LARP4: variants seen among roughly 807,000 people sequenced by gnomAD.
The protein encoded by LARP4 is La ribonucleoprotein 4.
A neutral mutation model predicts 92.9 loss-of-function variants in LARP4; 29 were observed. That is an observed-to-expected ratio of 0.31 (90% CI 0.23 to 0.43). The LOEUF (loss-of-function observed/expected upper bound fraction) is 0.43. Ranked by LOEUF, LARP4 falls within the 20% of genes least tolerant of loss-of-function variation. LARP4 has a pLI of 1.00. For synonymous variants in LARP4, 279 were observed against 284.1 expected, an observed-to-expected ratio of 0.98 and a Z score of 0.18; for missense variants, 732 against 860.0, an observed-to-expected ratio of 0.85 and a Z score of 1.86.
intron 10 of LARP4, among the ~76,000 whole-genome samples, chr12:50,460,807 G>T (rs1444547184): frequency 4.6e-5 from 7 of 152,130 alleles, no homozygotes; most frequent in African/African-American, 1.7e-4. Flanking sequence ...GCTGGACGTG[G>T]TGGCTGGCGC....
At chr12:50,406,413 C>A (rs756313976) in intron 1 of LARP4, among the ~76,000 whole-genome samples, 1 of 151,244 alleles carries the variant, frequency 6.6e-6, no homozygotes, top group Non-Finnish European at 1.5e-5. Flanking sequence ...GCCAGGAGAT[C>A]GAGGCTGCAG....
intron 1 of LARP4, among the ~76,000 whole-genome samples, chr12:50,410,987 G>C (rs1945780751): frequency 6.6e-6 from 1 of 152,132 alleles, no homozygotes. Flanking sequence ...TTCTTCCACA[G>C]TAGAGGGCAA....
Position 50,477,664 on chromosome 12 carries a change from G to C in LARP4, c.*1800G>C, listed in dbSNP as rs1229322465. On this transcript the variant is annotated 3_prime_UTR_variant, in exon 16 of 16. Transcript: ENST00000398473. ...ATTTCTTTGACTTATTATTAGCTTGGCAGTTGCTTTTGATTTGATTGTTTT... is the reference window on the plus strand; with the variant it reads ...ATTTCTTTGACTTATTATTAGCTTGCCAGTTGCTTTTGATTTGATTGTTTT... 1 of 152,402 alleles carries C rather than the reference G, an allele frequency of 6.6e-6. No homozygotes were observed. Among genetic ancestry groups the C allele is most frequent in the Non-Finnish European group, 1.5e-5 (1 of 67,926 alleles). The allele number at this position is 152,402 out of a possible 1,614,324, so 9.4% of individuals were successfully genotyped here.
At chr12:50,435,409 TA>T in intron 4 of LARP4, 78 bp from the exon 5 acceptor site, 1 of 831,858 alleles carries the variant, frequency 1.2e-6, no homozygotes, top group Non-Finnish European at 2.0e-6. Context: ...ATTTAAAAAG[TA>T]GGAAAAGTGA....
chr12:50,425,813 A>G (rs553878447), intron 1 of LARP4, among the ~76,000 whole-genome samples: 2 of 152,048 alleles, frequency 1.3e-5, no homozygotes, highest in East Asian at 3.9e-4. Flanking sequence ...AATGGGATTA[A>G]CATAAAGGAG....
Position 50,474,079 on chromosome 12 carries a change from C to G in LARP4, c.1748C>G (p.Ser583Cys). The G allele has an allele frequency of 6.2e-7, 1 of 1,612,420 alleles. No individual in the cohort carries two copies. The highest frequency in any genetic ancestry group is 8.5e-7 in the Non-Finnish European group (1 of 1,179,390). ...CTCAATCAGACAACTATACCAGTTT[C>G]TCCTCCAAGTACTACAAAGCCATCG... ...DGLNQTTIPV[S>C]PPSTTKPSRA... Residue 583 changes from serine to cysteine, a missense_variant, in exon 15 of 16, where the codon TCT becomes TGT. Coordinates refer to ENST00000398473, the MANE Select transcript of LARP4 (RefSeq NM_052879.5).
chr12:50,453,705 T>C (rs1354398935), intron 9 of LARP4, 33 bp downstream of exon 9: 6 of 1,342,496 alleles, frequency 4.5e-6, no homozygotes, highest in African/African-American at 4.4e-5. Flanking sequence ...AATATAATAA[T>C]ATTTTTAATT....
At chr12:50,455,119 A>G (rs1208588852) in intron 10 of LARP4, among the ~76,000 whole-genome samples, 2 of 152,254 alleles carry the variant, frequency 1.3e-5, no homozygotes, top group Non-Finnish European at 2.9e-5. Context: ...ATTAAGAATC[A>G]TAGAAACTAT....
intron 8 of LARP4, among the ~76,000 whole-genome samples, chr12:50,446,429 AT>A (rs71083573): frequency 0.3 from 1,157 of 3,920 alleles, 470 homozygotes; most frequent in East Asian, 0.77. Context: ...ATATATATAT[AT>A]TTTTTTTTTT....
chr12:50,401,975 C>T (rs964901651), intron 1 of LARP4, among the ~76,000 whole-genome samples: 2 of 152,118 alleles, frequency 1.3e-5, no homozygotes, highest in Non-Finnish European at 2.9e-5. Context: ...TCATATTGTT[C>T]TTACATTGTG....
At chr12:50,402,736 C>T (rs1408228144) in intron 1 of LARP4, 1 of 453,018 alleles carries the variant, frequency 2.2e-6, no homozygotes, top group East Asian at 7.0e-5. Context: ...AGTAGTTTAA[C>T]TGGGATTTAG....
At chr12:50,429,362 C>T (rs541037055) in intron 3 of LARP4, among the ~76,000 whole-genome samples, 2 of 151,960 alleles carry the variant, frequency 1.3e-5, no homozygotes, top group East Asian at 1.9e-4. Flanking sequence ...GTAATCCCAG[C>T]GCTTTAGGAG....
intron 8 of LARP4, among the ~76,000 whole-genome samples, chr12:50,446,327 T>C (rs1952049319): frequency 1.1e-5 from 1 of 94,082 alleles, no homozygotes; most frequent in African/African-American, 4.3e-5. Context: ...TCTTGACTAG[T>C]GGTCTCTCTC....
At chr12:50,435,942 TA>T (rs1278263627) in intron 5 of LARP4, among the ~76,000 whole-genome samples, 1 of 151,700 alleles carries the variant, frequency 6.6e-6, no homozygotes, top group Non-Finnish European at 1.5e-5. Context: ...CACATCTGGC[TA>T]ATCTTTAAAT....
At position 50,466,548 on chromosome 12, in the gene LARP4, A is replaced by G. The variant is rs114749051; in HGVS notation, c.1384-411A>G. Among the ~76,000 whole-genome samples, 1,215 of 152,252 alleles carry G rather than the reference A, an allele frequency of 8.0e-3. 15 individuals are homozygous for G. Among genetic ancestry groups the G allele is most frequent in the African/African-American group, 0.028 (1,162 of 41,532 alleles). The stretch of plus-strand genomic sequence containing the variant: ...AGGATTACTTGAGTCCAGGAAGTCA[A>G]GGTTGTAGTGAGCTATGATTGTGTC... On this transcript the variant is annotated intron_variant, in intron 12 of 15. Coordinates refer to ENST00000398473, the MANE Select transcript of LARP4 (RefSeq NM_052879.5).
intron 1 of LARP4, among the ~76,000 whole-genome samples, chr12:50,420,203 A>T (rs572220040): frequency 6.6e-6 from 1 of 152,304 alleles, no homozygotes; most frequent in African/African-American, 2.4e-5. Flanking sequence ...TGAAAAATAT[A>T]AAAAGGGAGC....
intron 1 of LARP4, among the ~76,000 whole-genome samples, chr12:50,403,922 A>G (rs1245321696): frequency 4.2e-5 from 1 of 23,654 alleles, no homozygotes; most frequent in African/African-American, 1.1e-4. Context: ...TAGTATCCCC[A>G]TTTTAGTGAT....
At chr12:50,427,618 A>G in intron 1 of LARP4, 144 bp from the exon 2 acceptor site, 1 of 408,878 alleles carries the variant, frequency 2.4e-6, no homozygotes, top group Non-Finnish European at 4.1e-6. Flanking sequence ...AGTTGATCAA[A>G]ACTTTAATAT....
At chr12:50,462,871 A>G (rs1175103579) in intron 12 of LARP4, among the ~76,000 whole-genome samples, 2 of 152,156 alleles carry the variant, frequency 1.3e-5, no homozygotes, top group Admixed American at 1.3e-4. Flanking sequence ...TTGAAGATCT[A>G]ATGTATTCAC....
Sources: gnomAD v4.1 joint callset for allele counts (sites outside exome capture counted in the v4.1 genomes callset) on GRCh38, gnomAD v4.1.1 for gene constraint, MANE v1.5 for transcripts, NCBI Gene and HGNC (gene_info 2026-07-23, HGNC 2026-07-21) for gene names.